The following FCHSD2 variants were observed in gnomAD, a reference collection of about 807,000 sequenced individuals.
The protein encoded by FCHSD2 is F-BAR and double SH3 domains protein 2.
A neutral mutation model predicts 108.1 loss-of-function variants in FCHSD2; 38 were observed. The observed-to-expected ratio is 0.35, with a 90% CI of 0.27 to 0.46. FCHSD2 has a LOEUF of 0.46. Among genes scored for constraint, FCHSD2 ranks in the 20% least tolerant of loss-of-function variants. The pLI, the probability that FCHSD2 is intolerant of heterozygous loss-of-function variation, is 1.00. For synonymous variants in FCHSD2, 279 were observed against 314.7 expected, an observed-to-expected ratio of 0.89 and a Z score of 1.20; for missense variants, 751 against 897.8, an observed-to-expected ratio of 0.84 and a Z score of 2.09.
At chr11:73,129,218 C>T (rs1205886757) in intron 2 of FCHSD2, among the ~76,000 whole-genome samples, 2 of 152,158 alleles carry the variant, frequency 1.3e-5, no homozygotes, top group South Asian at 2.1e-4. Flanking sequence ...AAACAAATTA[C>T]AGCTGGGCGC....
In FCHSD2 at chr11:72,948,671, C is replaced by CTT. The variant is rs11400132; in HGVS notation, c.706-26723_706-26722dup. 1.8e-3 allele frequency among the ~76,000 whole-genome samples: 256 copies of CTT among 146,030 alleles called. 2 individuals are homozygous for CTT. Among genetic ancestry groups the CTT allele is most frequent in the Middle Eastern group, 7.0e-3 (2 of 284 alleles). On this transcript the variant is annotated intron_variant, in intron 8 of 19. Transcript: ENST00000409418. ...ATTAACATTGTCATAATTTTCATTT[C>CTT]TTTTTTTTTTTTGAGAGGCAGTCTC...
At position 73,104,183 on chromosome 11, in the gene FCHSD2, T is replaced by G. The variant is rs186146076; in HGVS notation, c.120-20443A>C. Among the ~76,000 whole-genome samples the G allele has an allele frequency of 3.1e-3, 468 of 152,380 alleles. 1 individual carries two copies. Among genetic ancestry groups the G allele is most frequent in the African/African-American group, 0.011 (448 of 41,592 alleles). On this transcript the variant is annotated intron_variant, in intron 2 of 19. Coordinates refer to ENST00000409418, the MANE Select transcript of FCHSD2 (RefSeq NM_014824.3). Reference sequence around the variant, plus strand: ...GCCACTTGGCATTAGTGAGAAACACTATGTACACTGCAACTGGTATAATTA... The same window carrying G: ...GCCACTTGGCATTAGTGAGAAACACGATGTACACTGCAACTGGTATAATTA...
intron 13 of FCHSD2, among the ~76,000 whole-genome samples, chr11:72,860,440 A>C (rs1456209994): frequency 6.6e-6 from 1 of 152,220 alleles, no homozygotes; most frequent in Non-Finnish European, 1.5e-5. Context: ...TTTGACTACA[A>C]TGGAAATAAA....
chr11:73,086,342 G>A (rs556579377), intron 2 of FCHSD2, among the ~76,000 whole-genome samples: 21 of 152,216 alleles, frequency 1.4e-4, no homozygotes, highest in African/African-American at 3.6e-4. Context: ...CCAGAGGTGG[G>A]GGTAGCAGTG....
chr11:72,919,125 A>T (rs575023805), intron 9 of FCHSD2, among the ~76,000 whole-genome samples: 16 of 152,138 alleles, frequency 1.1e-4, no homozygotes, highest in Admixed American at 3.9e-4. Flanking sequence ...AATATAAAAT[A>T]AAAAAAATCT....
chr11:73,048,529 C>T (rs1376311398), intron 3 of FCHSD2, among the ~76,000 whole-genome samples: 1 of 152,216 alleles, frequency 6.6e-6, no homozygotes, highest in Non-Finnish European at 1.5e-5. Context: ...TAGAGCATCT[C>T]TGCTTCAGGT....
chr11:73,124,923 GAAAGC>G (rs1860819128), intron 2 of FCHSD2, among the ~76,000 whole-genome samples: 1 of 152,160 alleles, frequency 6.6e-6, no homozygotes, highest in South Asian at 2.1e-4. Context: ...TAGAGCAAGG[GAAAGC>G]ACATTCCATA....
intron 8 of FCHSD2, among the ~76,000 whole-genome samples, chr11:72,974,286 G>A (rs1027730842): frequency 3.7e-4 from 56 of 152,166 alleles, no homozygotes; most frequent in African/African-American, 1.3e-3. Flanking sequence ...AAGAGGGAAA[G>A]TGGAAAGGGG....
At chr11:72,903,765 T>A (rs1037674941) in intron 9 of FCHSD2, among the ~76,000 whole-genome samples, 5 of 152,154 alleles carry the variant, frequency 3.3e-5, no homozygotes, top group African/African-American at 1.2e-4. Flanking sequence ...AAAAAAAAGT[T>A]CAAAGTAACT....
intron 6 of FCHSD2, among the ~76,000 whole-genome samples, chr11:72,987,540 T>C (rs965013153): frequency 4.6e-5 from 7 of 152,194 alleles, no homozygotes; most frequent in Non-Finnish European, 1.0e-4. Context: ...TAAATGAAGA[T>C]AAAGTGGCAT....
At chr11:73,106,333 G>C (rs1424345077) in intron 2 of FCHSD2, among the ~76,000 whole-genome samples, 2 of 149,834 alleles carry the variant, frequency 1.3e-5, no homozygotes, top group Non-Finnish European at 3.0e-5. Flanking sequence ...TTGAGCCCAT[G>C]AAGTCAAGGC....
chr11:72,911,993 T>C (rs1180458934), intron 9 of FCHSD2, among the ~76,000 whole-genome samples: 1 of 152,262 alleles, frequency 6.6e-6, no homozygotes, highest in Non-Finnish European at 1.5e-5. Flanking sequence ...TTTTTGTATG[T>C]TGATTTTGTA....
At chr11:73,083,000 G>A (rs1859732399) in intron 3 of FCHSD2, among the ~76,000 whole-genome samples, 4 of 152,110 alleles carry the variant, frequency 2.6e-5, no homozygotes. Context: ...AAAGCTCCAT[G>A]TCATCCACTA....
At chr11:73,001,309 ATTC>A (rs921409753) in intron 4 of FCHSD2, among the ~76,000 whole-genome samples, 175 bp from the exon 5 acceptor site, 3 of 152,194 alleles carry the variant, frequency 2.0e-5, no homozygotes, top group Non-Finnish European at 2.9e-5. Context: ...CATATACTCT[ATTC>A]TTCTTATAGC....
chr11:73,093,275 A>G (rs764958207), intron 2 of FCHSD2, among the ~76,000 whole-genome samples: 2 of 152,026 alleles, frequency 1.3e-5, no homozygotes, highest in Admixed American at 6.6e-5. Flanking sequence ...TTTAAACTCT[A>G]CTCTTTAGCT....
In FCHSD2 at chr11:72,838,582, G is replaced by T. The variant is rs1450723630; in HGVS notation, c.*209C>A. 1.7e-6 allele frequency: 1 copy of T among 585,532 alleles called. No individual in the cohort carries two copies. The highest frequency in any genetic ancestry group is 3.0e-6 in the Non-Finnish European group (1 of 327,912). 36.3% of individuals were successfully genotyped at this position (585,532 alleles called of 1,614,324 possible). A position where few individuals can be genotyped will look rare whatever the true frequency, so the allele number is the denominator to read the frequency against. On this transcript the variant is annotated 3_prime_UTR_variant, in exon 20 of 20. Coordinates refer to ENST00000409418, the MANE Select transcript of FCHSD2 (RefSeq NM_014824.3). ...CGCTAGGATTTGTGCTATGGTAGGA[G>T]AAATGACATAGAAAATGACAACAAA...
At chr11:72,964,663 T>C in intron 8 of FCHSD2, among the ~76,000 whole-genome samples, 1 of 152,180 alleles carries the variant, frequency 6.6e-6, no homozygotes, top group East Asian at 1.9e-4. Flanking sequence ...TCTACCTCTT[T>C]CTCCTTTACA....
chr11:73,116,768 C>A (rs970826291), intron 2 of FCHSD2, among the ~76,000 whole-genome samples: 6 of 152,128 alleles, frequency 3.9e-5, no homozygotes, highest in African/African-American at 1.4e-4. Flanking sequence ...GAACTCCTGG[C>A]CTCAAGCAAT....
chr11:72,953,510 A>C (rs1856654979), intron 8 of FCHSD2, among the ~76,000 whole-genome samples: 1 of 152,214 alleles, frequency 6.6e-6, no homozygotes, highest in East Asian at 1.9e-4. Flanking sequence ...CACCTAAATC[A>C]ATTTCAACCA....
Sources: allele counts gnomAD v4.1 joint callset (sites outside exome capture counted in the v4.1 genomes callset), GRCh38; gene constraint gnomAD v4.1.1; transcripts MANE v1.5; gene names NCBI Gene and HGNC (gene_info 2026-07-23, HGNC 2026-07-21).